Variants in NR4A3 observed in about 807,000 individuals in gnomAD.
NR4A3 encodes the protein nuclear receptor subfamily 4 group A member 3.
A neutral mutation model predicts 55.6 loss-of-function variants in NR4A3; 13 were observed. That is an observed-to-expected ratio of 0.23 (90% CI 0.15 to 0.37). The LOEUF is 0.37. Ranked by LOEUF, NR4A3 falls within the 10% of genes least tolerant of loss-of-function variation. The pLI, the probability that NR4A3 is intolerant of heterozygous loss-of-function variation, is 1.00. For synonymous variants in NR4A3, 342 were observed against 357.9 expected (o/e 0.96, Z 0.50); for missense variants, 646 against 822.8 (o/e 0.79, Z 2.63).
intron 5 of NR4A3, among the ~76,000 whole-genome samples, chr9:99,841,149 T>A (rs994044163): frequency 2.0e-5 from 3 of 151,402 alleles, no homozygotes; most frequent in African/African-American, 7.3e-5. Flanking sequence ...GAGACTCGCT[T>A]GAACCCGGGA....
chr9:99,823,283 G>A (rs1229429278), intron 1 of NR4A3, among the ~76,000 whole-genome samples: 1 of 152,060 alleles, frequency 6.6e-6, no homozygotes, highest in Non-Finnish European at 1.5e-5. Context: ...GCGGTCATGC[G>A]AGCGCAGCCT....
intron 7 of NR4A3, among the ~76,000 whole-genome samples, chr9:99,855,515 C>T (rs1337509194): frequency 6.6e-6 from 1 of 152,174 alleles, no homozygotes; most frequent in Non-Finnish European, 1.5e-5. Flanking sequence ...TTCCCTTACC[C>T]TCAAAGAGTC....
chr9:99,846,818 T>C (rs1672062346), intron 6 of NR4A3, among the ~76,000 whole-genome samples: 1 of 152,156 alleles, frequency 6.6e-6, no homozygotes, highest in African/African-American at 2.4e-5. Flanking sequence ...TGGCTAATTT[T>C]TGTATTTTTA....
chr9:99,844,631 C>T lies in NR4A3; in HGVS notation c.1255-18C>T. 6.2e-7 allele frequency: 1 copy of T among 1,611,320 alleles called. No individual in the cohort carries two copies. The highest frequency in any genetic ancestry group is 8.5e-7 in the Non-Finnish European group (1 of 1,177,596). On this transcript the variant is annotated intron_variant, in intron 5 of 7. Coordinates refer to ENST00000395097, the MANE Select transcript of NR4A3 (RefSeq NM_006981.4). ...CACTGAAGCAGGATAATGCTGCTCTCTCTGGTTTGCATTCTAGTACTGTCC... is the reference window on the plus strand; with the variant it reads ...CACTGAAGCAGGATAATGCTGCTCTTTCTGGTTTGCATTCTAGTACTGTCC...
intron 3 of NR4A3, among the ~76,000 whole-genome samples, chr9:99,830,523 T>C (rs1827418485): frequency 6.6e-6 from 1 of 152,256 alleles, no homozygotes; most frequent in Non-Finnish European, 1.5e-5. Flanking sequence ...TATCACTACC[T>C]GAATTCTGCA....
chr9:99,860,135 A>G (rs1215514549), intron 7 of NR4A3, among the ~76,000 whole-genome samples: 1 of 152,096 alleles, frequency 6.6e-6, no homozygotes. Flanking sequence ...ACCCTTCTCT[A>G]TATGAAGAAA....
chr9:99,845,343 G>C (rs1473039276), intron 6 of NR4A3, among the ~76,000 whole-genome samples: 2 of 152,094 alleles, frequency 1.3e-5, no homozygotes, highest in Non-Finnish European at 2.9e-5. Context: ...TTTATTCCAA[G>C]AGAACACTCT....
intron 1 of NR4A3, among the ~76,000 whole-genome samples, chr9:99,824,613 T>C (rs1009240499): frequency 5.6e-4 from 85 of 152,264 alleles, no homozygotes; most frequent in African/African-American, 1.9e-3. Flanking sequence ...AGCCCCGGGC[T>C]CAGGGGCGCC....
intron 2 of NR4A3, among the ~76,000 whole-genome samples, chr9:99,827,063 A>T (rs1827309442): frequency 6.6e-6 from 1 of 152,200 alleles, no homozygotes; most frequent in Admixed American, 6.5e-5. Context: ...AGCACCCTGG[A>T]TACCAGCCAC....
intron 3 of NR4A3, among the ~76,000 whole-genome samples, 167 bp from the exon 4 acceptor site, chr9:99,832,522 A>C (rs1344822116): frequency 6.6e-6 from 1 of 152,234 alleles, no homozygotes; most frequent in African/African-American, 2.4e-5. Flanking sequence ...TCAGCAGCTA[A>C]CACTAATAAA....
Position 99,828,599 on chromosome 9 carries a change from C to T in NR4A3, c.557C>T (p.Ala186Val), listed in dbSNP as rs1383312967. Residue 186 changes from alanine (A) to valine (V), a missense_variant, in exon 3 of 8, where the codon GCG becomes GTG. Ala to Val is a moderately conservative substitution (Grantham distance 64). Coordinates refer to ENST00000395097, the MANE Select transcript of NR4A3 (RefSeq NM_006981.4). The surrounding 1 kb of genome is among the most constrained non-coding windows in gnomAD (Gnocchi z 7.7). ...AAGGCGGTCCCCACGGTGGCCGGCG[C>T]GCGCTTCCCGCTCTTCCACTTCAAG... ...PMKAVPTVAG[A>V]RFPLFHFKPS... The T allele has an allele frequency of 1.3e-6, 2 of 1,543,268 alleles. No individual in the cohort carries two copies. The highest frequency in any genetic ancestry group is 1.2e-5 in the South Asian group (1 of 84,960).
At chr9:99,846,895 G>A (rs1022531049) in intron 6 of NR4A3, among the ~76,000 whole-genome samples, 18 of 152,296 alleles carry the variant, frequency 1.2e-4, no homozygotes, top group African/African-American at 4.3e-4. Context: ...TGATCCACCC[G>A]CCTTGGCCTC....
chr9:99,840,359 T>C (rs1827631649), intron 5 of NR4A3, among the ~76,000 whole-genome samples: 1 of 152,200 alleles, frequency 6.6e-6, no homozygotes, highest in South Asian at 2.1e-4. Context: ...CTACACACTT[T>C]GATGGATTCT....
At chr9:99,833,995 A>C (rs1827503382) in intron 5 of NR4A3, 1 of 1,125,736 alleles carries the variant, frequency 8.9e-7, no homozygotes, top group African/African-American at 1.6e-5. Flanking sequence ...TGCCTGTGTC[A>C]CCTGGTTCCT....
At chr9:99,843,171 G>A (rs943661873) in intron 5 of NR4A3, among the ~76,000 whole-genome samples, 4 of 152,078 alleles carry the variant, frequency 2.6e-5, no homozygotes, top group Admixed American at 6.5e-5. Context: ...TACTTATATC[G>A]TTCTGCTCTT....
chr9:99,856,441 C>G (rs1432299841), intron 7 of NR4A3, among the ~76,000 whole-genome samples: 1 of 152,136 alleles, frequency 6.6e-6, no homozygotes, highest in Admixed American at 6.6e-5. Context: ...GCTGTAAATA[C>G]AGATGAAGCT....
Position 99,864,971 on chromosome 9 carries a change from C to G in NR4A3, c.*1104C>G, listed in dbSNP as rs1344587849. On this transcript the variant is annotated 3_prime_UTR_variant, in exon 8 of 8. Coordinates refer to ENST00000395097, the MANE Select transcript of NR4A3 (RefSeq NM_006981.4). ...TAAGGAGACAATTTTGGAGAGCAAG[C>G]AAATCTTTTTAAAAAATAGTATGAA... 4.4e-5 allele frequency: 3 copies of G among 68,728 alleles called. No individual in the cohort carries two copies. The highest frequency in any genetic ancestry group is 2.7e-4 in the East Asian group (3 of 11,212). The allele number at this position is 68,728 out of a possible 1,614,324, so 4.3% of individuals were successfully genotyped here. A position where few individuals can be genotyped will look rare whatever the true frequency, so the allele number is the denominator to read the frequency against.
Position 99,865,906 on chromosome 9 carries a change from G to C in NR4A3, c.*2039G>C, listed in dbSNP as rs1451834900. 2 of 218,050 alleles carry C rather than the reference G, an allele frequency of 9.2e-6. No individual in the cohort carries two copies. Among genetic ancestry groups the C allele is most frequent in the Admixed American group, 5.8e-5 (1 of 17,212 alleles). 13.5% of individuals were successfully genotyped at this position (218,050 alleles called of 1,614,324 possible). On this transcript the variant is annotated 3_prime_UTR_variant, in exon 8 of 8. Transcript: ENST00000395097. This position sits in a 1 kb window ranked among gnomAD's most constrained non-coding sequence, Gnocchi z 4.3. ...TGGAAGGGGCCTGGTCTGTCAACTA[G>C]TCCAACCCCTTAAAATTCATAGAGG...
At chr9:99,845,666 ACTCC>A (rs1165069738) in intron 6 of NR4A3, among the ~76,000 whole-genome samples, 1 of 151,608 alleles carries the variant, frequency 6.6e-6, no homozygotes, top group African/African-American at 2.4e-5. Flanking sequence ...ACTACCAGAA[ACTCC>A]TGTTTAATTT....
Sources: gnomAD v4.1 joint callset for allele counts (sites outside exome capture counted in the v4.1 genomes callset) on GRCh38, gnomAD v4.1.1 for gene constraint, Gnocchi (gnomAD v3.1) non-coding constraint, MANE v1.5 for transcripts, NCBI Gene and HGNC (gene_info 2026-07-23, HGNC 2026-07-21) for gene names.